LONP2: variants seen among roughly 807,000 people sequenced by gnomAD.
LONP2 encodes lon peptidase 2, peroxisomal.
Under a neutral mutation model 85.6 loss-of-function variants are expected in LONP2, and 60 were observed. That is an observed-to-expected ratio of 0.70 (90% confidence interval 0.57 to 0.87). The LOEUF (loss-of-function observed/expected upper bound fraction) is 0.87. LONP2 is among the 40% of genes least tolerant of loss of function. LONP2 has a pLI of 0.00. For synonymous variants in LONP2, 395 were observed against 389.7 expected, an observed-to-expected ratio of 1.01 and a Z score of -0.16; for missense variants, 860 against 1,063.5, an observed-to-expected ratio of 0.81 and a Z score of 2.66.
chr16:48,254,235 A>T (rs377073944), intron 2 of LONP2, among the ~76,000 whole-genome samples: 1 of 152,050 alleles, frequency 6.6e-6, no homozygotes, highest in Non-Finnish European at 1.5e-5. Context: ...TCTTGCGTCA[A>T]CTCTAGTTAT....
At chr16:48,315,778 G>A (rs1157608944) in intron 11 of LONP2, among the ~76,000 whole-genome samples, 1 of 151,148 alleles carries the variant, frequency 6.6e-6, no homozygotes, top group Middle Eastern at 3.2e-3. Context: ...TTCCTTCTGG[G>A]ATTCTGAGAA....
rs74017920 is a variant in LONP2 at position 48,334,804 on chromosome 16, G to A, written c.1938+446G>A. 2,357 of 552,440 alleles carry A rather than the reference G, an allele frequency of 4.3e-3. 51 individuals carry two copies. Among genetic ancestry groups the A allele is most frequent in the African/African-American group, 0.041 (2,127 of 52,430 alleles). 34.2% of individuals were successfully genotyped at this position (552,440 alleles called of 1,614,324 possible). A position where few individuals can be genotyped will look rare whatever the true frequency, so the allele number is the denominator to read the frequency against. Reference sequence around the variant, plus strand: ...CATTCTCAGTGGCATCACTGGGCTCGACCTCAAGGGTGATGGTCTGGCCTG... The same window carrying A: ...CATTCTCAGTGGCATCACTGGGCTCAACCTCAAGGGTGATGGTCTGGCCTG... On this transcript the variant is annotated intron_variant, in intron 12 of 14. Transcript: ENST00000285737.
intron 12 of LONP2, among the ~76,000 whole-genome samples, chr16:48,347,081 G>T (rs1173011271): frequency 1.3e-5 from 2 of 152,156 alleles, no homozygotes; most frequent in Non-Finnish European, 2.9e-5. Context: ...TTGAAGCCAG[G>T]AGGCAGAGTT....
intron 1 of LONP2, among the ~76,000 whole-genome samples, chr16:48,245,657 A>G (rs1229928698): frequency 6.6e-6 from 1 of 152,222 alleles, no homozygotes; most frequent in African/African-American, 2.4e-5. Flanking sequence ...TAAGTGTACA[A>G]TACACGCCAG....
chr16:48,246,689 C>G (rs1971406924), intron 1 of LONP2, among the ~76,000 whole-genome samples: 1 of 152,136 alleles, frequency 6.6e-6, no homozygotes, highest in Non-Finnish European at 1.5e-5. Flanking sequence ...ATCGTCCTGC[C>G]TCAGCTTCTG....
intron 6 of LONP2, among the ~76,000 whole-genome samples, chr16:48,269,653 T>C (rs1347152277): frequency 2.6e-5 from 4 of 152,158 alleles, no homozygotes; most frequent in African/African-American, 7.2e-5. Context: ...TTTTCTGGAA[T>C]GAACATATGT....
In LONP2 at chr16:48,347,372, T is replaced by G. The variant is rs1378306873; in HGVS notation, c.1939-135T>G. On this transcript the variant is annotated intron_variant, in intron 12 of 14. Transcript: ENST00000285737. Reference sequence around the variant, plus strand: ...AGTAAGTGCTGAATGTGACGCAGAATCATGTTAGGTAACAAGGACTTTGAG... The same window carrying G: ...AGTAAGTGCTGAATGTGACGCAGAAGCATGTTAGGTAACAAGGACTTTGAG... The G allele has an allele frequency of 1.5e-5, 11 of 758,134 alleles. No homozygotes were observed. The Admixed American group carries it at 2.5e-4, about 17-fold the overall frequency. 47.0% of individuals were successfully genotyped at this position (758,134 alleles called of 1,614,324 possible).
intron 6 of LONP2, 86 bp downstream of exon 6, chr16:48,262,958 A>AT: frequency 1.3e-6 from 1 of 792,894 alleles, no homozygotes. Context: ...TACTCCACTG[A>AT]TTGTCGTACT....
intron 12 of LONP2, among the ~76,000 whole-genome samples, chr16:48,346,521 A>G (rs530392076): frequency 6.6e-6 from 1 of 152,292 alleles, no homozygotes; most frequent in South Asian, 2.1e-4. Flanking sequence ...GATGTTTATT[A>G]TGTAGTATTG....
chr16:48,331,603 C>T (rs1959453554), intron 11 of LONP2, among the ~76,000 whole-genome samples: 3 of 147,384 alleles, frequency 2.0e-5, no homozygotes, highest in Admixed American at 1.4e-4. Context: ...CTCACTGTGT[C>T]GCCCAGGCTG....
chr16:48,295,581 G>A (rs1972651690), intron 8 of LONP2, among the ~76,000 whole-genome samples: 1 of 152,138 alleles, frequency 6.6e-6, no homozygotes, highest in African/African-American at 2.4e-5. Flanking sequence ...GTTTGAGGAG[G>A]ATTATATGGG....
intron 12 of LONP2, chr16:48,336,265 G>C (rs1278775453): frequency 2.3e-6 from 1 of 434,100 alleles, no homozygotes; most frequent in East Asian, 7.1e-5. Flanking sequence ...TATAAACACT[G>C]CTTACCAGTT....
chr16:48,328,546 C>T (rs1161669943), intron 11 of LONP2, among the ~76,000 whole-genome samples: 2 of 151,924 alleles, frequency 1.3e-5, no homozygotes, highest in African/African-American at 2.4e-5. Context: ...GGCATGGTGA[C>T]GTGTGCCTGT....
At chr16:48,245,909 T>A (rs1004553316) in intron 1 of LONP2, among the ~76,000 whole-genome samples, 1 of 152,158 alleles carries the variant, frequency 6.6e-6, no homozygotes, top group African/African-American at 2.4e-5. Flanking sequence ...TTCCTAACTC[T>A]ACTGGAGGTG....
intron 8 of LONP2, among the ~76,000 whole-genome samples, chr16:48,289,284 G>A (rs550869841): frequency 2.0e-5 from 3 of 152,280 alleles, no homozygotes; most frequent in Admixed American, 2.0e-4. Flanking sequence ...TCAGAGCACA[G>A]CTTGATTTTA....
chr16:48,316,626 C>T (rs1973152702), intron 11 of LONP2, among the ~76,000 whole-genome samples: 1 of 152,138 alleles, frequency 6.6e-6, no homozygotes, highest in Non-Finnish European at 1.5e-5. Context: ...CACACCCGGC[C>T]AGGATTCTTT....
chr16:48,292,199 CAGGTGAGCAG>C lies in LONP2; in HGVS notation c.1384-3812_1384-3803del, dbSNP rs537344285. Among the ~76,000 whole-genome samples the C allele has an allele frequency of 1.1e-4, 16 of 152,264 alleles. No homozygotes were observed. The East Asian group carries it at 3.1e-3, about 29-fold the overall frequency. On this transcript the variant is annotated intron_variant, in intron 8 of 14. Coordinates refer to ENST00000285737, the MANE Select transcript of LONP2 (RefSeq NM_031490.5). ...GAAGCCATCAGATATGCATTTGTCT[CAGGTGAGCAG>C]AGGGATGACTTTGAGTTCTGTCCTT...
At position 48,244,634 on chromosome 16, in the gene LONP2, G is replaced by GC. The variant is rs1043389498; in HGVS notation, c.233+18dup. On this transcript the variant is annotated intron_variant, in intron 1 of 14. Coordinates refer to ENST00000285737, the MANE Select transcript of LONP2 (RefSeq NM_031490.5). The stretch of plus-strand genomic sequence containing the variant: ...CGCCGCTGCACAGGTAGGCCTGGCT[G>GC]CCCCCGCGGCGGCGGCGGGCGGCGC... The GC allele has an allele frequency of 7.4e-7, 1 of 1,347,194 alleles. No individual in the cohort carries two copies. Among genetic ancestry groups the GC allele is most frequent in the African/African-American group, 1.5e-5 (1 of 64,864 alleles). The allele number at this position is 1,347,194 out of a possible 1,614,324, so 83.5% of individuals were successfully genotyped here. A position where few individuals can be genotyped will look rare whatever the true frequency, so the allele number is the denominator to read the frequency against.
At chr16:48,265,403 A>G (rs1329629500) in intron 6 of LONP2, among the ~76,000 whole-genome samples, 1 of 152,214 alleles carries the variant, frequency 6.6e-6, no homozygotes, top group Non-Finnish European at 1.5e-5. Context: ...ACATGGTGTC[A>G]TATAAGGGTT....
Sources: gnomAD v4.1 joint callset for allele counts (sites outside exome capture counted in the v4.1 genomes callset) on GRCh38, gnomAD v4.1.1 for gene constraint, MANE v1.5 for transcripts, NCBI Gene and HGNC (gene_info 2026-07-23, HGNC 2026-07-21) for gene names.